The following AKR1B15 variants were observed in gnomAD, a reference collection of about 807,000 sequenced individuals.
The protein encoded by AKR1B15 is aldo-keto reductase family 1 member B15, also known as estradiol 17-beta-dehydrogenase AKR1B15.
In AKR1B15, 49 loss-of-function variants were observed where a neutral mutation model predicts 38.5. The observed-to-expected ratio is 1.27, with a 90% CI of 1.01 to 1.62. AKR1B15 has a LOEUF of 1.62. Ranked by LOEUF, AKR1B15 falls within the 40% of genes most tolerant of loss-of-function variation. The pLI is 0.00. For missense variants in AKR1B15, 411 were observed against 381.6 expected (o/e 1.08, Z -0.64); for synonymous variants, 137 against 135.5 (o/e 1.01, Z -0.08).
At chr7:134,562,056 T>C (rs1337193631) in intron 2 of AKR1B15, among the ~76,000 whole-genome samples, 3 of 152,158 alleles carry the variant, frequency 2.0e-5, no homozygotes, top group Non-Finnish European at 4.4e-5. Context: ...CAATCTCGGC[T>C]CACTGCAACT....
intron 9 of AKR1B15, 52 bp downstream of exon 9, chr7:134,576,482 A>C: frequency 7.5e-6 from 12 of 1,594,120 alleles, no homozygotes; most frequent in African/African-American, 1.3e-5. Flanking sequence ...TTCCAGTCTC[A>C]TGTTTCATTT....
chr7:134,560,958 A>T (rs1389215172), intron 2 of AKR1B15, among the ~76,000 whole-genome samples: 1 of 152,218 alleles, frequency 6.6e-6, no homozygotes, highest in African/African-American at 2.4e-5. Flanking sequence ...TCCTTAAAAA[A>T]TTTTTGTTTT....
chr7:134,575,315 T>C (rs1225348316), intron 6 of AKR1B15, 105 bp from the exon 7 acceptor site: 53 of 1,496,962 alleles, frequency 3.5e-5, no homozygotes, highest in Non-Finnish European at 4.1e-5. Flanking sequence ...GCTAACTCTG[T>C]TGCGGTGGAT....
chr7:134,551,221 T>G (rs747882828), intron 1 of AKR1B15, among the ~76,000 whole-genome samples: 20 of 152,186 alleles, frequency 1.3e-4, no homozygotes, highest in Non-Finnish European at 2.5e-4. Context: ...CTCTGTGGCC[T>G]CTCTGCCTAT....
intron 2 of AKR1B15, 64 bp from the exon 3 acceptor site, chr7:134,564,534 T>C: frequency 1.7e-6 from 1 of 587,290 alleles, no homozygotes; most frequent in South Asian, 2.1e-5. Flanking sequence ...ATGAAAGCCA[T>C]CTTGCTATTA....
chr7:134,552,427 A>C (rs1794018231), intron 1 of AKR1B15, among the ~76,000 whole-genome samples: 1 of 152,128 alleles, frequency 6.6e-6, no homozygotes, highest in Non-Finnish European at 1.5e-5. Context: ...GCTGTTGTAG[A>C]ACTCCTGGCC....
At chr7:134,564,803 A>G in intron 3 of AKR1B15, 34 bp downstream of exon 3, 3 of 627,120 alleles carry the variant, frequency 4.8e-6, no homozygotes, top group Non-Finnish European at 8.6e-6. Context: ...CCCAATTCCC[A>G]ACAGCAGTTG....
chr7:134,576,358 T>A lies in AKR1B15; in HGVS notation c.753T>A (p.Pro251=), dbSNP rs397833239. 24 of 1,613,948 alleles carry A rather than the reference T, an allele frequency of 1.5e-5. No homozygotes were observed. The Admixed American group carries it at 2.0e-4, about 13-fold the overall frequency. The change falls in exon 9 of 12, where the codon CCT becomes CCA. Residue 251 remains proline (P), a synonymous_variant. Transcript: ENST00000457545. ...LGSPDRPWAK[P]EDPSLLEDPK... ...ATCTTTCTGCCCCTAGGGCCAAACC[T>A]GAGGACCCTTCCCTGCTGGAGGATC...
At chr7:134,560,824 G>C (rs706203) in intron 2 of AKR1B15, among the ~76,000 whole-genome samples, 100,392 of 152,112 alleles carry the variant, frequency 0.66, 34,688 homozygotes, top group African/African-American at 0.88. Flanking sequence ...CAACTGAACA[G>C]AAAACATACT....
At position 134,564,629 on chromosome 7, in the gene AKR1B15, C is replaced by G; in HGVS notation, c.10C>G (p.Gln4Glu). ...GGCCATCAAGCTACAGATGGTCTTACAAATGGAACCCCAAGTGAACTCAAC... is the reference window on the plus strand; with the variant it reads ...GGCCATCAAGCTACAGATGGTCTTAGAAATGGAACCCCAAGTGAACTCAAC... MVL[Q>E]MEPQVNSTNN... The change falls in exon 3 of 12, where the codon CAA becomes GAA. Residue 4 changes from glutamine (Q) to glutamate (E), a missense_variant. Coordinates refer to ENST00000457545, the MANE Select transcript of AKR1B15 (RefSeq NM_001080538.3). 1 of 697,622 alleles carries G rather than the reference C, an allele frequency of 1.4e-6. No individual in the cohort carries two copies. Among genetic ancestry groups the G allele is most frequent in the Non-Finnish European group, 2.6e-6 (1 of 383,406 alleles). 43.2% of individuals were successfully genotyped at this position (697,622 alleles called of 1,614,324 possible).
At chr7:134,577,313 C>T (rs1307111694) in intron 10 of AKR1B15, among the ~76,000 whole-genome samples, 2 of 152,182 alleles carry the variant, frequency 1.3e-5, no homozygotes, top group Admixed American at 1.3e-4. Context: ...CCCTCAGTTG[C>T]CCCTGAGCAG....
intron 1 of AKR1B15, among the ~76,000 whole-genome samples, chr7:134,550,990 TCTCCTTC>T (rs1793950370): frequency 6.6e-6 from 1 of 152,126 alleles, no homozygotes; most frequent in Non-Finnish European, 1.5e-5. Flanking sequence ...AGTCCAGAGC[TCTCCTTC>T]ATGGCTCCAC....
intron 1 of AKR1B15, among the ~76,000 whole-genome samples, chr7:134,550,534 C>T (rs1317869588): frequency 3.9e-5 from 6 of 152,144 alleles, no homozygotes; most frequent in South Asian, 4.2e-4. Flanking sequence ...CCATAGATCT[C>T]GAAGCTTGAG....
chr7:134,575,861 A>G lies in AKR1B15; in HGVS notation c.677A>G (p.Gln226Arg), dbSNP rs1216580946. Residue 226 changes from glutamine to arginine, a missense_variant, in exon 8 of 12, where the codon CAG becomes CGG. Gln to Arg is a conservative substitution (Grantham distance 43). Around this residue, in one of 3 missense-constraint regions of AKR1B15, gnomAD observed 24 missense variants for 48.9 expected, o/e 0.49. Transcript: ENST00000457545. ...TACCTCACGCAGGAGAAACTGATCCAGTACTGCCACTCCAAGGGCATCACC... is the reference window on the plus strand; with the variant it reads ...TACCTCACGCAGGAGAAACTGATCCGGTACTGCCACTCCAAGGGCATCACC... ...HPYLTQEKLI[Q>R]YCHSKGITVT... 6.2e-7 allele frequency: 1 copy of G among 1,613,752 alleles called. No homozygotes were observed. The highest frequency in any genetic ancestry group is 1.7e-5 in the Admixed American group (1 of 59,988).
intron 6 of AKR1B15, among the ~76,000 whole-genome samples, chr7:134,574,439 G>A (rs1485361569): frequency 2.6e-5 from 4 of 152,012 alleles, no homozygotes; most frequent in East Asian, 1.9e-4. Flanking sequence ...TGACAACTGC[G>A]GGCTGTGTGA....
chr7:134,578,095 G>A (rs1794804576), intron 11 of AKR1B15, among the ~76,000 whole-genome samples: 1 of 152,172 alleles, frequency 6.6e-6, no homozygotes, highest in Non-Finnish European at 1.5e-5. Flanking sequence ...CTGTGTGCCA[G>A]GCATTTTCTA....
chr7:134,575,718 G>C (rs1206141940), intron 7 of AKR1B15, 103 bp from the exon 8 acceptor site: 3 of 1,592,016 alleles, frequency 1.9e-6, no homozygotes, highest in African/African-American at 1.3e-5. Flanking sequence ...GTGCGCACTT[G>C]TTTGGCCTTT....
intron 2 of AKR1B15, among the ~76,000 whole-genome samples, chr7:134,557,687 C>T (rs1794247380): frequency 6.6e-6 from 1 of 151,554 alleles, no homozygotes; most frequent in African/African-American, 2.4e-5. Flanking sequence ...ATTTATCTTT[C>T]AACTTTTTTG....
At chr7:134,556,959 G>C (rs1794218459) in intron 2 of AKR1B15, 100 bp downstream of exon 2, 1 of 152,198 alleles carries the variant, frequency 6.6e-6, no homozygotes, top group African/African-American at 2.4e-5. Context: ...CCGAGGCTTA[G>C]ATCTGCTATT....
Sources: gnomAD v4.1 joint callset for allele counts (sites outside exome capture counted in the v4.1 genomes callset) on GRCh38, gnomAD v4.1.1 for gene constraint, gnomAD v4.1.1 regional missense constraint, MANE v1.5 for transcripts, NCBI Gene and HGNC (gene_info 2026-07-23, HGNC 2026-07-21) for gene names.